Variants in NXPE2 observed in about 807,000 individuals in gnomAD.
NXPE2 encodes neurexophilin and PC-esterase domain family member 2.
NXPE2 carries 34 observed loss-of-function variants against 34.4 expected under a neutral mutation model. The observed-to-expected ratio is 0.99, with a 90% CI of 0.75 to 1.31. The LOEUF (loss-of-function observed/expected upper bound fraction) is 1.31. Ranked by LOEUF, NXPE2 falls within the 40% of genes most tolerant of loss-of-function variation. The pLI, the probability that NXPE2 is intolerant of heterozygous loss-of-function variation, is 0.00. For synonymous variants in NXPE2, 235 were observed against 231.3 expected, an observed-to-expected ratio of 1.02 and a Z score of -0.15; for missense variants, 649 against 672.5, an observed-to-expected ratio of 0.97 and a Z score of 0.39.
chr11:114,582,300 CTCTTT>C, the NXPE2 span: 1 of 1,574,396 alleles, frequency 6.4e-7, no homozygotes, highest in Non-Finnish European at 8.6e-7. Context: ...TTCAAAGAGG[CTCTTT>C]TCTTGTTTGC....
the NXPE2 span, among the ~76,000 whole-genome samples, chr11:114,536,171 T>C: frequency 3.3e-5 from 5 of 151,982 alleles, no homozygotes; most frequent in African/African-American, 7.3e-5. Flanking sequence ...ACAACCTGCT[T>C]CTGAATGACT....
chr11:114,742,855 A>G, the NXPE2 span, among the ~76,000 whole-genome samples: 4 of 152,072 alleles, frequency 2.6e-5, no homozygotes, highest in Non-Finnish European at 5.9e-5. Flanking sequence ...GTTATCTCTG[A>G]TGTTTATATG....
the NXPE2 span, among the ~76,000 whole-genome samples, chr11:114,735,466 C>T: frequency 6.6e-6 from 1 of 152,138 alleles, no homozygotes; most frequent in African/African-American, 2.4e-5. Flanking sequence ...ATCACTTAAC[C>T]TCTCTGAGTA....
the NXPE2 span, chr11:114,522,489 C>A: frequency 1.3e-6 from 2 of 1,593,612 alleles, no homozygotes; most frequent in African/African-American, 1.4e-5. Flanking sequence ...TCATGAAGAT[C>A]AAAAAACTTC....
Position 114,704,053 on chromosome 11 carries a change from G to GT in NXPE2, c.928+2dup. On this transcript the variant is annotated splice_donor_variant, in intron 4 of 5. Transcript: ENST00000389586. LOFTEE classifies it high-confidence loss of function. ...CCCATTGAGGTCATACCATGCAACAGTAAGTCTGGAGTGTTGTTGTCTGCC... is the reference window on the plus strand; with the variant it reads ...CCCATTGAGGTCATACCATGCAACAGTTAAGTCTGGAGTGTTGTTGTCTGCC... 1 of 1,548,492 alleles carries GT rather than the reference G, an allele frequency of 6.5e-7. No homozygotes were observed. Among genetic ancestry groups the GT allele is most frequent in the Non-Finnish European group, 8.7e-7 (1 of 1,143,654 alleles).
chr11:114,622,747 C>G, the NXPE2 span, among the ~76,000 whole-genome samples: 1,329 of 150,542 alleles, frequency 8.8e-3, 19 homozygotes, highest in African/African-American at 0.031. Flanking sequence ...CACTGTTACC[C>G]AGCGGATAAG....
At chr11:114,622,560 C>T in the NXPE2 span, among the ~76,000 whole-genome samples, 3 of 152,032 alleles carry the variant, frequency 2.0e-5, no homozygotes, top group African/African-American at 4.8e-5. Flanking sequence ...GGTATTGCCT[C>T]GTGGGTAACC....
At chr11:114,777,912 G>C in the NXPE2 span, among the ~76,000 whole-genome samples, 468 of 152,318 alleles carry the variant, frequency 3.1e-3, 1 homozygote, top group African/African-American at 0.011. Flanking sequence ...GATTCTGAGT[G>C]AGCAACTGAG....
At chr11:114,533,870 A>G in the NXPE2 span, among the ~76,000 whole-genome samples, 1 of 152,342 alleles carries the variant, frequency 6.6e-6, no homozygotes, top group African/African-American at 2.4e-5. Context: ...CAGGGCACAG[A>G]CAAACAAAAG....
chr11:114,772,605 C>T, the NXPE2 span, among the ~76,000 whole-genome samples: 1 of 152,026 alleles, frequency 6.6e-6, no homozygotes, highest in Non-Finnish European at 1.5e-5. Context: ...TTTATTAGGA[C>T]ACTATTCAGG....
the NXPE2 span, among the ~76,000 whole-genome samples, chr11:114,510,927 A>T: frequency 6.6e-6 from 1 of 152,184 alleles, no homozygotes. Flanking sequence ...ATTAAAATTT[A>T]ATTAGTAATG....
At chr11:114,755,870 C>T in the NXPE2 span, among the ~76,000 whole-genome samples, 1 of 152,120 alleles carries the variant, frequency 6.6e-6, no homozygotes, top group African/African-American at 2.4e-5. Context: ...ATGAAGAATA[C>T]TACCTCCCTG....
At chr11:114,581,176 C>A in the NXPE2 span, among the ~76,000 whole-genome samples, 1 of 152,004 alleles carries the variant, frequency 6.6e-6, no homozygotes, top group Non-Finnish European at 1.5e-5. Context: ...TGCCTTGAGT[C>A]GTTTTAGATA....
the NXPE2 span, among the ~76,000 whole-genome samples, chr11:114,601,638 T>A: frequency 1.2e-5 from 1 of 84,276 alleles, no homozygotes; most frequent in Non-Finnish European, 2.0e-5. Context: ...TATTTATAAT[T>A]ATATATAATT....
At chr11:114,661,438 A>T in the NXPE2 span, among the ~76,000 whole-genome samples, 21 of 152,252 alleles carry the variant, frequency 1.4e-4, no homozygotes, top group South Asian at 4.4e-3. Flanking sequence ...GAATCCTAGG[A>T]TCCATGGTGA....
At chr11:114,486,411 G>T in the NXPE2 span, among the ~76,000 whole-genome samples, 3 of 152,156 alleles carry the variant, frequency 2.0e-5, no homozygotes, top group African/African-American at 7.2e-5. Flanking sequence ...GCCTTGTCAG[G>T]TGAGTAGGTT....
At chr11:114,799,307 A>AG in the NXPE2 span, among the ~76,000 whole-genome samples, 5 of 151,584 alleles carry the variant, frequency 3.3e-5, no homozygotes, top group Non-Finnish European at 7.4e-5. Context: ...AAAAAAAAAA[A>AG]AAAAAAAATT....
At chr11:114,686,601 T>C (rs1951052595) in intron 2 of NXPE2, among the ~76,000 whole-genome samples, 1 of 152,162 alleles carries the variant, frequency 6.6e-6, no homozygotes, top group South Asian at 2.1e-4. Flanking sequence ...GTCTTTTTGG[T>C]AGAACAATTT....
chr11:114,710,084 G>T (rs918759219), downstream of NXPE2, among the ~76,000 whole-genome samples: 20 of 151,996 alleles, frequency 1.3e-4, no homozygotes, highest in African/African-American at 4.8e-4. Context: ...AAAACTTATG[G>T]GATGCAGTAA....
Sources: allele counts gnomAD v4.1 joint callset (sites outside exome capture counted in the v4.1 genomes callset), GRCh38; gene constraint gnomAD v4.1.1; transcripts MANE v1.5; gene names NCBI Gene and HGNC (gene_info 2026-07-23, HGNC 2026-07-21).